MOBP: variants seen among roughly 807,000 people sequenced by gnomAD.
MOBP encodes myelin associated oligodendrocyte basic protein.
MOBP carries 5 observed loss-of-function variants against 15.0 expected under a neutral mutation model. That is an observed-to-expected ratio of 0.33 (90% CI 0.17 to 0.70). The LOEUF is 0.70. Among genes scored for constraint, MOBP ranks in the 30% least tolerant of loss-of-function variants. The pLI is 0.67. For missense variants in MOBP, 188 were observed against 257.8 expected (o/e 0.73, Z 1.85); for synonymous variants, 88 against 99.0 (o/e 0.89, Z 0.66).
At position 39,498,014 on chromosome 3, in the gene MOBP, T is replaced by C. The variant is rs532457330; in HGVS notation, c.-4-4052T>C. Reference sequence around the variant, plus strand: ...TAAAACTCTGTGATTGGTATAAGACTGGGTTACAATGTACCCATCCGGTTA... The same window carrying C: ...TAAAACTCTGTGATTGGTATAAGACCGGGTTACAATGTACCCATCCGGTTA... On this transcript the variant is annotated intron_variant, in intron 2 of 3. Transcript: ENST00000684792. Among the ~76,000 whole-genome samples, 5 of 152,356 alleles carry C rather than the reference T, an allele frequency of 3.3e-5. No homozygotes were observed. The South Asian group carries it at 8.3e-4, about 25-fold the overall frequency.
At chr3:39,473,003 T>C (rs977907026) in intron 1 of MOBP, among the ~76,000 whole-genome samples, 8 of 152,032 alleles carry the variant, frequency 5.3e-5, no homozygotes, top group Admixed American at 2.6e-4. Context: ...GAGAGTCTTG[T>C]GGATAGGGGT....
At chr3:39,493,189 T>C (rs551453376) in intron 2 of MOBP, among the ~76,000 whole-genome samples, 1 of 152,310 alleles carries the variant, frequency 6.6e-6, no homozygotes, top group East Asian at 1.9e-4. Context: ...AAAAATCCAC[T>C]TTATACTCAT....
chr3:39,523,688 C>T (rs2043296634), intron 3 of MOBP, among the ~76,000 whole-genome samples: 1 of 152,110 alleles, frequency 6.6e-6, no homozygotes, highest in Non-Finnish European at 1.5e-5. Context: ...CCCATAAGAG[C>T]AAATTTAGTA....
intron 2 of MOBP, among the ~76,000 whole-genome samples, chr3:39,492,862 C>G (rs78329791): frequency 0.023 from 3,503 of 152,160 alleles, 129 homozygotes; most frequent in African/African-American, 0.075. Context: ...AAGAACAGAC[C>G]CTTGCTCAAG....
At chr3:39,488,129 A>T (rs1418732445) in intron 2 of MOBP, among the ~76,000 whole-genome samples, 2 of 151,830 alleles carry the variant, frequency 1.3e-5, no homozygotes, top group South Asian at 2.1e-4. Context: ...TGTGAATAAA[A>T]TTTTTTTCAG....
chr3:39,487,281 A>T (rs1054540849), intron 2 of MOBP, among the ~76,000 whole-genome samples: 5 of 151,972 alleles, frequency 3.3e-5, no homozygotes, highest in African/African-American at 1.2e-4. Flanking sequence ...TTTCCTTGCA[A>T]GTTAATTTTA....
intron 2 of MOBP, among the ~76,000 whole-genome samples, chr3:39,490,650 C>T (rs2125642387): frequency 6.6e-6 from 1 of 152,280 alleles, no homozygotes; most frequent in African/African-American, 2.4e-5. Context: ...GCAACCTTCA[C>T]CTCCCGGGCT....
chr3:39,483,012 A>G (rs2042650833), intron 2 of MOBP, among the ~76,000 whole-genome samples: 2 of 152,140 alleles, frequency 1.3e-5, no homozygotes, highest in African/African-American at 2.4e-5. Flanking sequence ...AAGATCCTCA[A>G]CTATATGGAC....
chr3:39,519,443 T>A (rs1487080132), downstream of MOBP, among the ~76,000 whole-genome samples: 1 of 152,078 alleles, frequency 6.6e-6, no homozygotes, highest in Non-Finnish European at 1.5e-5. Flanking sequence ...AGTTTAAAAT[T>A]TTTTTCTTCC....
At chr3:39,490,726 C>A (rs190135163) in intron 2 of MOBP, among the ~76,000 whole-genome samples, 4 of 152,266 alleles carry the variant, frequency 2.6e-5, no homozygotes, top group Non-Finnish European at 4.4e-5. Flanking sequence ...CCACCCTTGG[C>A]TAATTTTTGT....
At chr3:39,507,518 T>C (rs1011417291), downstream of MOBP, among the ~76,000 whole-genome samples, 6 of 152,080 alleles carry the variant, frequency 3.9e-5, no homozygotes, top group African/African-American at 1.4e-4. Flanking sequence ...TTGTGCAAAG[T>C]AGAGAGAGAC....
intron 2 of MOBP, among the ~76,000 whole-genome samples, chr3:39,482,442 G>C (rs1441619067): frequency 6.6e-6 from 1 of 151,992 alleles, no homozygotes; most frequent in African/African-American, 2.4e-5. Context: ...ATGAGGTCAT[G>C]AGATCAAGAC....
chr3:39,528,450 A>T (rs1298068467), downstream of MOBP: 2 of 152,260 alleles, frequency 1.3e-5, no homozygotes, highest in Non-Finnish European at 2.9e-5. Context: ...GCAGGGTTTC[A>T]TTAGGGCATC....
chr3:39,516,934 C>T (rs1443733608), downstream of MOBP, among the ~76,000 whole-genome samples: 1 of 152,146 alleles, frequency 6.6e-6, no homozygotes, highest in Non-Finnish European at 1.5e-5. Flanking sequence ...GCTCCCTGTC[C>T]ATCTAGGCTG....
rs1451802060 is a variant in MOBP, at chr3:39,513,663, G to A, written c.*280G>A. On this transcript the variant is annotated 3_prime_UTR_variant, in exon 5 of 5. Coordinates refer to the MOBP transcript ENST00000311042. The stretch of plus-strand genomic sequence containing the variant: ...CAGTCAGGGGGTTCCAGCAGCACCC[G>A]CAGGCTCTAGAGCTCAATGCACAGT... 9 of 536,186 alleles carry A rather than the reference G, an allele frequency of 1.7e-5. No individual in the cohort carries two copies. The South Asian group carries it at 1.7e-4, about 10-fold the overall frequency. 33.2% of individuals were successfully genotyped at this position (536,186 alleles called of 1,614,324 possible). A position where few individuals can be genotyped will look rare whatever the true frequency, so the allele number is the denominator to read the frequency against.
chr3:39,498,844 G>T (rs1311268229), intron 2 of MOBP, among the ~76,000 whole-genome samples: 3 of 152,144 alleles, frequency 2.0e-5, no homozygotes, highest in Admixed American at 1.3e-4. Flanking sequence ...CCCCTGAAGT[G>T]CTGGGGGAAG....
In MOBP at chr3:39,502,844, T is replaced by C. The variant is rs1163656730; in HGVS notation, c.516T>C (p.Arg172=). The change falls in exon 4 of 4, where the codon CGT becomes CGC. Residue 172 remains arginine (R), a synonymous_variant. Coordinates refer to ENST00000684792, the MANE Select transcript of MOBP (RefSeq NM_001393704.1). The surrounding 1 kb of genome is among the most constrained non-coding windows in gnomAD (Gnocchi z 6.3). ...SSPLRGPGAS[R]GGSPVKASRF... ...CCCTCAGAGGGCCAGGCGCCAGCCG[T>C]GGGGGGTCCCCCGTCAAAGCTTCTA... 1 of 1,486,206 alleles carries C rather than the reference T, an allele frequency of 6.7e-7. No homozygotes were observed. The highest frequency in any genetic ancestry group is 1.4e-5 in the African/African-American group (1 of 71,680). The allele number at this position is 1,486,206 out of a possible 1,614,324, so 92.1% of individuals were successfully genotyped here.
chr3:39,475,751 C>A (rs2042536907), intron 1 of MOBP, among the ~76,000 whole-genome samples: 1 of 151,846 alleles, frequency 6.6e-6, no homozygotes. Flanking sequence ...ATGTTGCCAA[C>A]CCCTCTGAGC....
chr3:39,514,503 C>G (rs926824126), exon 5 of MOBP: 5 of 152,136 alleles, frequency 3.3e-5, no homozygotes, highest in African/African-American at 4.8e-5. Context: ...GAGGCCTGGT[C>G]CCCCCAGTGC....
Sources: gnomAD v4.1 joint callset for allele counts (sites outside exome capture counted in the v4.1 genomes callset) on GRCh38, gnomAD v4.1.1 for gene constraint, Gnocchi (gnomAD v3.1) non-coding constraint, MANE v1.5 for transcripts, NCBI Gene and HGNC (gene_info 2026-07-23, HGNC 2026-07-21) for gene names.